IL33: variants seen among roughly 807,000 people sequenced by gnomAD.
The protein encoded by IL33 is interleukin-33.
A neutral mutation model predicts 27.3 loss-of-function variants in IL33; 37 were observed. That is an observed-to-expected ratio of 1.36 (90% CI 1.04 to 1.78). The LOEUF is 1.78. Among genes scored for constraint, IL33 ranks in the 40% most tolerant of loss-of-function variants. The pLI, the probability that IL33 is intolerant of heterozygous loss-of-function variation, is 0.00. For missense variants in IL33, 406 were observed against 311.4 expected (o/e 1.30, Z -2.29); for synonymous variants, 132 against 102.9 (o/e 1.28, Z -1.71).
chr9:6,251,371 G>C, intron 4 of IL33, 106 bp downstream of exon 4: 7 of 1,517,868 alleles, frequency 4.6e-6, no homozygotes, highest in Non-Finnish European at 6.2e-6. Context: ...TCTTTAATGT[G>C]TACCAGAAAC....
intron 2 of IL33, among the ~76,000 whole-genome samples, chr9:6,248,492 C>T (rs1324681142): frequency 6.6e-6 from 1 of 152,070 alleles, no homozygotes; most frequent in Admixed American, 6.5e-5. Flanking sequence ...TGCTGCCTTC[C>T]ACCATCAGAT....
intron 1 of IL33, among the ~76,000 whole-genome samples, chr9:6,225,486 C>T (rs1351836923): frequency 7.2e-5 from 11 of 152,064 alleles, no homozygotes; most frequent in Non-Finnish European, 1.6e-4. Context: ...GACCCTCCGC[C>T]GGCTCTGAGT....
intron 2 of IL33, among the ~76,000 whole-genome samples, chr9:6,244,140 G>C (rs748079867): frequency 9.2e-5 from 14 of 152,180 alleles, no homozygotes; most frequent in Non-Finnish European, 8.8e-5. Context: ...GCCAGAGTTG[G>C]TGGTATTGAT....
intron 1 of IL33, among the ~76,000 whole-genome samples, chr9:6,223,245 A>T (rs930955143): frequency 1.2e-4 from 19 of 152,270 alleles, no homozygotes; most frequent in African/African-American, 4.6e-4. Flanking sequence ...TTACATGTAT[A>T]TGATATTCAT....
intron 1 of IL33, among the ~76,000 whole-genome samples, chr9:6,235,895 G>C (rs1819171599): frequency 6.6e-6 from 1 of 152,062 alleles, no homozygotes; most frequent in Admixed American, 6.6e-5. Context: ...ATTAATATCT[G>C]TCAAGCTATA....
intron 1 of IL33, among the ~76,000 whole-genome samples, chr9:6,226,099 C>G (rs1818614640): frequency 6.6e-6 from 1 of 152,180 alleles, no homozygotes; most frequent in African/African-American, 2.4e-5. Context: ...CCTCAAACTC[C>G]TGGGCTCAAG....
Position 6,240,530 on chromosome 9 carries a change from T to G in IL33, c.-11-1154T>G, listed in dbSNP as rs536233062. On this transcript the variant is annotated intron_variant, in intron 1 of 7. Transcript: ENST00000682010. ...ATTCTAATACAGTGGTATTTGTGTA[T>G]CTAAACATATCTAAACACAGAAAAA... is the stretch of plus-strand genomic sequence containing the variant. Among the ~76,000 whole-genome samples, 32 of 152,316 alleles carry G rather than the reference T, an allele frequency of 2.1e-4. No homozygotes were observed. The South Asian group carries it at 6.2e-3, about 30-fold the overall frequency.
At chr9:6,249,490 T>C (rs760512020) in intron 2 of IL33, among the ~76,000 whole-genome samples, 26 of 152,230 alleles carry the variant, frequency 1.7e-4, no homozygotes, top group Non-Finnish European at 2.6e-4. Context: ...GAAAGACTTT[T>C]TATGATTTTC....
At chr9:6,253,636 A>C in intron 6 of IL33, 34 bp downstream of exon 6, 2 of 1,542,912 alleles carry the variant, frequency 1.3e-6, no homozygotes, top group Non-Finnish European at 1.8e-6. Flanking sequence ...GTAGTGCTTG[A>C]ATTCTTAAGT....
At position 6,256,504 on chromosome 9, in the gene IL33, G is replaced by A. The variant is rs1816740562; in HGVS notation, c.*336G>A. ...TCATATTTAGAGCTAAGGCCACTGAGGAAAGAGCCATAGCTTAAGTCTCTA... is the reference window on the plus strand; with the variant it reads ...TCATATTTAGAGCTAAGGCCACTGAAGAAAGAGCCATAGCTTAAGTCTCTA... On this transcript the variant is annotated 3_prime_UTR_variant, in exon 8 of 8. Transcript: ENST00000682010. 3 of 398,806 alleles carry A rather than the reference G, an allele frequency of 7.5e-6. No individual in the cohort carries two copies. Among genetic ancestry groups the A allele is most frequent in the East Asian group, 3.5e-5 (1 of 28,362 alleles). 24.7% of individuals were successfully genotyped at this position (398,806 alleles called of 1,614,324 possible).
intron 1 of IL33, among the ~76,000 whole-genome samples, chr9:6,223,475 T>A (rs1435863383): frequency 3.3e-5 from 5 of 151,988 alleles, no homozygotes; most frequent in Non-Finnish European, 5.9e-5. Flanking sequence ...TTTTGATATA[T>A]CATGTTTTTC....
intron 2 of IL33, among the ~76,000 whole-genome samples, chr9:6,245,183 T>C (rs12349007): frequency 0.032 from 4,882 of 152,332 alleles, 254 homozygotes; most frequent in African/African-American, 0.11. Flanking sequence ...AGCCTTGGGA[T>C]AGATCCATCC....
intron 2 of IL33, among the ~76,000 whole-genome samples, chr9:6,248,055 T>G (rs377664293): frequency 2.6e-5 from 4 of 152,198 alleles, no homozygotes; most frequent in African/African-American, 9.6e-5. Context: ...TCCCATGTGA[T>G]GCTGACTAAA....
intron 1 of IL33, among the ~76,000 whole-genome samples, chr9:6,230,535 G>T (rs1818877196): frequency 6.6e-6 from 1 of 152,124 alleles, no homozygotes; most frequent in Non-Finnish European, 1.5e-5. Flanking sequence ...GAGGATTGGT[G>T]TGTCACACTC....
At chr9:6,236,339 G>T (rs1001429187) in intron 1 of IL33, among the ~76,000 whole-genome samples, 1 of 151,990 alleles carries the variant, frequency 6.6e-6, no homozygotes, top group African/African-American at 2.4e-5. Flanking sequence ...AAGAATGTCA[G>T]GATCTACCAC....
intron 1 of IL33, among the ~76,000 whole-genome samples, chr9:6,232,683 G>T (rs1411513937): frequency 2.0e-5 from 3 of 152,144 alleles, no homozygotes; most frequent in Admixed American, 6.6e-5. Context: ...CCAACCCTGG[G>T]CCCAACTACT....
intron 2 of IL33, among the ~76,000 whole-genome samples, chr9:6,245,343 T>C (rs982292076): frequency 1.3e-5 from 2 of 152,250 alleles, no homozygotes; most frequent in African/African-American, 4.8e-5. Context: ...GTCCATATCT[T>C]GCATGGCAAT....
chr9:6,239,661 C>G (rs1250047056), intron 1 of IL33, among the ~76,000 whole-genome samples: 1 of 152,094 alleles, frequency 6.6e-6, no homozygotes, highest in East Asian at 1.9e-4. Context: ...CTGCTCTAAC[C>G]TCACCCTTGG....
At chr9:6,216,546 C>A (rs953841020) in intron 1 of IL33, among the ~76,000 whole-genome samples, 3 of 152,002 alleles carry the variant, frequency 2.0e-5, no homozygotes, top group Non-Finnish European at 2.9e-5. Context: ...GCCAGCCTGG[C>A]CAAGAGGATG....
Sources: allele counts gnomAD v4.1 joint callset (sites outside exome capture counted in the v4.1 genomes callset), GRCh38; gene constraint gnomAD v4.1.1; transcripts MANE v1.5; gene names NCBI Gene and HGNC (gene_info 2026-07-23, HGNC 2026-07-21).